ZNF475: variants seen among roughly 807,000 people sequenced by gnomAD.
ZNF475 encodes zinc finger protein 475.
the ZNF475 span, among the ~76,000 whole-genome samples, chr5:122,171,742 C>CTT: frequency 3.5e-5 from 5 of 144,664 alleles, no homozygotes; most frequent in Admixed American, 6.9e-5. Flanking sequence ...CTTCTCTATA[C>CTT]TTTTTTTTTT....
the ZNF475 span, among the ~76,000 whole-genome samples, chr5:122,166,189 C>A: frequency 6.6e-6 from 1 of 152,180 alleles, no homozygotes; most frequent in African/African-American, 2.4e-5. Context: ...TGGTGTGACA[C>A]AAGGGGAGCC....
chr5:122,172,730 G>A, the ZNF475 span, among the ~76,000 whole-genome samples: 1 of 152,116 alleles, frequency 6.6e-6, no homozygotes, highest in South Asian at 2.1e-4. Context: ...TGTATAATTA[G>A]TATAAGAAGT....
chr5:122,161,398 AG>A, the ZNF475 span, among the ~76,000 whole-genome samples: 1 of 152,242 alleles, frequency 6.6e-6, no homozygotes, highest in Non-Finnish European at 1.5e-5. Flanking sequence ...TAAAGCTTCA[AG>A]TAATTGGAGG....
At chr5:122,169,101 C>G in the ZNF475 span, among the ~76,000 whole-genome samples, 1 of 152,160 alleles carries the variant, frequency 6.6e-6, no homozygotes, top group Non-Finnish European at 1.5e-5. Context: ...CTCTAAGCAG[C>G]CTTCTTGTTT....
chr5:122,160,377 C>T, the ZNF475 span: 3 of 767,928 alleles, frequency 3.9e-6, no homozygotes, highest in Non-Finnish European at 5.8e-6. Context: ...GAAAGTTACA[C>T]ATTTTAGAGC....
At chr5:122,177,809 A>G in the ZNF475 span, among the ~76,000 whole-genome samples, 2 of 151,990 alleles carry the variant, frequency 1.3e-5, no homozygotes, top group African/African-American at 4.8e-5. Flanking sequence ...GGTTTGTTAC[A>G]TAGGTATACA....
the ZNF475 span, among the ~76,000 whole-genome samples, chr5:122,164,033 G>A: frequency 6.6e-6 from 1 of 151,592 alleles, no homozygotes; most frequent in Non-Finnish European, 1.5e-5. Flanking sequence ...TCAGTCTTTC[G>A]AGTGAAAACA....
At chr5:122,178,331 G>C in the ZNF475 span, among the ~76,000 whole-genome samples, 15 of 152,172 alleles carry the variant, frequency 9.9e-5, no homozygotes, top group African/African-American at 3.1e-4. Flanking sequence ...CTGTCTTCCA[G>C]AATGGTTGAA....
the ZNF475 span, among the ~76,000 whole-genome samples, chr5:122,166,579 G>A: frequency 1.3e-5 from 2 of 152,068 alleles, no homozygotes; most frequent in Non-Finnish European, 2.9e-5. Context: ...ACCTATGAGT[G>A]AGAACATGCG....
the ZNF475 span, among the ~76,000 whole-genome samples, chr5:122,182,284 C>A: frequency 2.0e-5 from 3 of 152,216 alleles, no homozygotes; most frequent in Middle Eastern, 3.4e-3. Flanking sequence ...CTTGAAAGAG[C>A]GAGCAGCCCT....
At chr5:122,177,719 A>G in the ZNF475 span, among the ~76,000 whole-genome samples, 3 of 152,072 alleles carry the variant, frequency 2.0e-5, no homozygotes, top group Admixed American at 2.0e-4. Flanking sequence ...TGATTTCCAA[A>G]TCTAAGCTTT....
the ZNF475 span, among the ~76,000 whole-genome samples, chr5:122,165,572 C>T: frequency 2.0e-5 from 3 of 152,064 alleles, no homozygotes; most frequent in Non-Finnish European, 4.4e-5. Context: ...TGATTTGCTC[C>T]AAGTCACGGT....
chr5:122,160,465 C>T, the ZNF475 span, among the ~76,000 whole-genome samples: 2 of 152,196 alleles, frequency 1.3e-5, no homozygotes, highest in African/African-American at 4.8e-5. Flanking sequence ...GTACAAATCA[C>T]AGTCTAATAT....
At chr5:122,167,603 C>T in the ZNF475 span, among the ~76,000 whole-genome samples, 2 of 152,172 alleles carry the variant, frequency 1.3e-5, no homozygotes, top group Non-Finnish European at 2.9e-5. Context: ...CATGGCAATG[C>T]AAAAATACTC....
the ZNF475 span, among the ~76,000 whole-genome samples, chr5:122,177,310 G>A: frequency 0.045 from 6,783 of 152,222 alleles, 258 homozygotes; most frequent in South Asian, 0.12. Flanking sequence ...ATGTGGGCGG[G>A]CATAATAGTG....
chr5:122,179,384 T>C, the ZNF475 span, among the ~76,000 whole-genome samples: 1 of 152,194 alleles, frequency 6.6e-6, no homozygotes, highest in Non-Finnish European at 1.5e-5. Flanking sequence ...CATGGAATGT[T>C]TTTTCCATTT....
the ZNF475 span, among the ~76,000 whole-genome samples, chr5:122,170,511 AG>A: frequency 1.3e-5 from 2 of 152,192 alleles, no homozygotes; most frequent in African/African-American, 4.8e-5. Context: ...CCAGATGAAT[AG>A]GTACACAGGG....
chr5:122,175,771 C>T, the ZNF475 span, among the ~76,000 whole-genome samples: 1 of 152,178 alleles, frequency 6.6e-6, no homozygotes, highest in East Asian at 1.9e-4. Context: ...ACTGCCTCCT[C>T]TGTAATTTTT....
the ZNF475 span, among the ~76,000 whole-genome samples, chr5:122,170,426 G>A: frequency 6.6e-6 from 1 of 152,138 alleles, no homozygotes; most frequent in Non-Finnish European, 1.5e-5. Context: ...TGCTATAACA[G>A]CTCACAAAAC....
Sources: gnomAD v4.1 joint callset for allele counts (sites outside exome capture counted in the v4.1 genomes callset) on GRCh38, gnomAD v4.1.1 for gene constraint, MANE v1.5 for transcripts, NCBI Gene and HGNC (gene_info 2026-07-23, HGNC 2026-07-21) for gene names.